Variants in GTF2F2 observed in about 807,000 individuals in gnomAD.
The protein encoded by GTF2F2 is ATP-dependent helicase GTF2F2.
Under a neutral mutation model 42.2 loss-of-function variants are expected in GTF2F2, and 23 were observed. The ratio of observed to expected loss-of-function variants is 0.55; its 90% CI spans 0.39 to 0.77. The LOEUF (loss-of-function observed/expected upper bound fraction) is 0.77, where lower values mean the gene tolerates loss of function less well. GTF2F2 is among the 30% of genes least tolerant of loss of function. GTF2F2 has a pLI of 0.00. For synonymous variants in GTF2F2, 105 were observed against 100.8 expected, an observed-to-expected ratio of 1.04 and a Z score of -0.25; for missense variants, 261 against 287.2, an observed-to-expected ratio of 0.91 and a Z score of 0.66.
intron 4 of GTF2F2, among the ~76,000 whole-genome samples, chr13:45,179,234 G>A (rs1872031473): frequency 6.6e-6 from 1 of 152,138 alleles, no homozygotes; most frequent in Admixed American, 6.5e-5. Context: ...GAAAGGGATT[G>A]TTTTCAGTCA....
chr13:45,121,023 G>A (rs1222623899), intron 1 of GTF2F2, among the ~76,000 whole-genome samples: 1 of 152,198 alleles, frequency 6.6e-6, no homozygotes, highest in Non-Finnish European at 1.5e-5. Flanking sequence ...TTTTATCCCA[G>A]ACTGAAGAAT....
chr13:45,252,742 G>C (rs974203377), intron 5 of GTF2F2, 129 bp from the exon 6 acceptor site: 9 of 575,608 alleles, frequency 1.6e-5, no homozygotes, highest in African/African-American at 6.0e-5. Context: ...AAGTATTAAA[G>C]CTAGTGTATC....
intron 5 of GTF2F2, among the ~76,000 whole-genome samples, chr13:45,235,568 A>G (rs2138225030): frequency 6.6e-6 from 1 of 151,560 alleles, no homozygotes; most frequent in Middle Eastern, 3.4e-3. Flanking sequence ...ATTTGAAATT[A>G]TGTCCATATG....
chr13:45,212,441 T>G (rs1873689437), intron 5 of GTF2F2, among the ~76,000 whole-genome samples: 2 of 85,212 alleles, frequency 2.3e-5, no homozygotes, highest in African/African-American at 8.9e-5. Context: ...TCTTTCTTTC[T>G]TTCTTGTTTC....
At chr13:45,206,874 G>C (rs56028953) in intron 4 of GTF2F2, 1 of 152,196 alleles carries the variant, frequency 6.6e-6, no homozygotes, top group African/African-American at 2.4e-5. Flanking sequence ...CAGGAAAACA[G>C]AAGTCAGAGC....
rs1877355877 is a variant in GTF2F2, at chr13:45,283,653, TA to T, written c.*93del. 9.3e-7 allele frequency: 1 copy of T among 1,073,706 alleles called. No homozygotes were observed. Among genetic ancestry groups the T allele is most frequent in the African/African-American group, 1.6e-5 (1 of 62,014 alleles). 66.5% of individuals were successfully genotyped at this position (1,073,706 alleles called of 1,614,324 possible). ...GGAAGGCTTGAACACCGTATGTTAA[TA>T]GGGGTTAAGTGACAGTACTTTGATT... On this transcript the variant is annotated 3_prime_UTR_variant, in exon 8 of 8. Coordinates refer to ENST00000340473, the MANE Select transcript of GTF2F2 (RefSeq NM_004128.3).
At chr13:45,240,743 G>T (rs539897682) in intron 5 of GTF2F2, among the ~76,000 whole-genome samples, 1 of 152,036 alleles carries the variant, frequency 6.6e-6, no homozygotes, top group Non-Finnish European at 1.5e-5. Context: ...CAGGAGAATC[G>T]CTTGAACCTG....
At position 45,278,519 on chromosome 13, in the gene GTF2F2, A is replaced by G. The variant is rs186220402; in HGVS notation, c.631-4923A>G. Reference sequence around the variant, plus strand: ...TGTAATAAGACATATCCCCAATCCTATGTGACATAAAAGTGATCTACTCAG... The same window carrying G: ...TGTAATAAGACATATCCCCAATCCTGTGTGACATAAAAGTGATCTACTCAG... On this transcript the variant is annotated intron_variant, in intron 7 of 7. Coordinates refer to ENST00000340473, the MANE Select transcript of GTF2F2 (RefSeq NM_004128.3). 1.8e-4 allele frequency among the ~76,000 whole-genome samples: 28 copies of G among 152,278 alleles called. No homozygotes were observed. The East Asian group carries it at 5.4e-3, about 29-fold the overall frequency.
At position 45,136,702 on chromosome 13, in the gene GTF2F2, A is replaced by G. The variant is rs776169934; in HGVS notation, c.67-31A>G. On this transcript the variant is annotated intron_variant, in intron 1 of 7. Coordinates refer to ENST00000340473, the MANE Select transcript of GTF2F2 (RefSeq NM_004128.3). ...GTTTGAAAAGATGTTAGCATCTAAA[A>G]TAGACTTATTAGTGTTTTACTTTGT... 4 of 1,167,494 alleles carry G rather than the reference A, an allele frequency of 3.4e-6. No individual in the cohort carries two copies. In the South Asian group the frequency reaches 3.9e-5, roughly 11 times the overall value. The allele number at this position is 1,167,494 out of a possible 1,614,324, so 72.3% of individuals were successfully genotyped here. A position where few individuals can be genotyped will look rare whatever the true frequency, so the allele number is the denominator to read the frequency against.
At chr13:45,156,970 G>A (rs1441342209) in intron 4 of GTF2F2, among the ~76,000 whole-genome samples, 1 of 152,148 alleles carries the variant, frequency 6.6e-6, no homozygotes, top group African/African-American at 2.4e-5. Flanking sequence ...TTTACTAAGA[G>A]GAGACAACAG....
chr13:45,202,248 G>T (rs58920855), intron 4 of GTF2F2, among the ~76,000 whole-genome samples: 1,819 of 152,168 alleles, frequency 0.012, 30 homozygotes, highest in African/African-American at 0.037. Flanking sequence ...TTAGCCTGGC[G>T]CAGTGGCACA....
At chr13:45,174,884 A>C (rs1489516425) in intron 4 of GTF2F2, among the ~76,000 whole-genome samples, 1 of 152,210 alleles carries the variant, frequency 6.6e-6, no homozygotes, top group Non-Finnish European at 1.5e-5. Context: ...GTACATATGT[A>C]CAATGTATAA....
At chr13:45,203,267 TAGAG>T (rs1025382637) in intron 4 of GTF2F2, among the ~76,000 whole-genome samples, 3 of 151,210 alleles carry the variant, frequency 2.0e-5, no homozygotes, top group Admixed American at 6.6e-5. Context: ...GGATTTTTAG[TAGAG>T]AGACGGTTTC....
At chr13:45,202,338 G>T (rs1363703751) in intron 4 of GTF2F2, among the ~76,000 whole-genome samples, 1 of 152,156 alleles carries the variant, frequency 6.6e-6, no homozygotes, top group African/African-American at 2.4e-5. Flanking sequence ...GGTGAGCCAA[G>T]ATCGCGCCAC....
chr13:45,124,122 C>T, intron 1 of GTF2F2: 2 of 704,448 alleles, frequency 2.8e-6, no homozygotes, highest in South Asian at 1.4e-5. Flanking sequence ...AGGGCAATGC[C>T]AGCCCCAGCA....
chr13:45,283,158 G>A (rs1458556630), intron 7 of GTF2F2, among the ~76,000 whole-genome samples: 1 of 152,080 alleles, frequency 6.6e-6, no homozygotes, highest in Non-Finnish European at 1.5e-5. Flanking sequence ...ATTTCATGTA[G>A]TGTTTTTTGT....
chr13:45,201,499 G>A (rs1434436887), intron 4 of GTF2F2, among the ~76,000 whole-genome samples: 1 of 152,192 alleles, frequency 6.6e-6, no homozygotes, highest in Non-Finnish European at 1.5e-5. Context: ...TATTATGGAT[G>A]CTGAGGCCCA....
At chr13:45,121,434 T>G (rs1488283754) in intron 1 of GTF2F2, among the ~76,000 whole-genome samples, 1 of 152,034 alleles carries the variant, frequency 6.6e-6, no homozygotes, top group Non-Finnish European at 1.5e-5. Context: ...TGAAAGTCGT[T>G]GAAACTTAAA....
intron 4 of GTF2F2, among the ~76,000 whole-genome samples, chr13:45,164,356 A>G (rs1049317192): frequency 1.4e-4 from 22 of 152,234 alleles, no homozygotes; most frequent in African/African-American, 5.3e-4. Flanking sequence ...CAAAGAAGAA[A>G]AGAAGGTAAG....
Sources: allele counts gnomAD v4.1 joint callset (sites outside exome capture counted in the v4.1 genomes callset), GRCh38; gene constraint gnomAD v4.1.1; transcripts MANE v1.5; gene names NCBI Gene and HGNC (gene_info 2026-07-23, HGNC 2026-07-21).